The following SSBP2 variants were observed in gnomAD, a reference collection of about 807,000 sequenced individuals.
SSBP2 encodes the protein single-stranded DNA-binding protein 2.
A neutral mutation model predicts 61.8 loss-of-function variants in SSBP2; 17 were observed. The observed-to-expected ratio is 0.28, with a 90% CI of 0.19 to 0.41. The LOEUF is 0.41. SSBP2 is among the 10% of genes least tolerant of loss of function. The pLI, the probability that SSBP2 is intolerant of heterozygous loss-of-function variation, is 1.00. For synonymous variants in SSBP2, 139 were observed against 141.3 expected (o/e 0.98, Z 0.12); for missense variants, 310 against 458.7 (o/e 0.68, Z 2.96).
chr5:81,460,307 G>A (rs1009510706), intron 10 of SSBP2, among the ~76,000 whole-genome samples: 1 of 152,182 alleles, frequency 6.6e-6, no homozygotes, highest in Admixed American at 6.5e-5. Flanking sequence ...GAACCTTTGT[G>A]CAGTGCACAC....
Position 81,615,332 on chromosome 5 carries a change from A to T in SSBP2, c.282+141T>A. 3 of 689,136 alleles carry T rather than the reference A, an allele frequency of 4.4e-6. No homozygotes were observed. In the South Asian group the frequency reaches 5.0e-5, roughly 11 times the overall value. The allele number at this position is 689,136 out of a possible 1,614,324, so 42.7% of individuals were successfully genotyped here. A position where few individuals can be genotyped will look rare whatever the true frequency, so the allele number is the denominator to read the frequency against. ...TTTCTATTTCACATTTAAAGTTATG[A>T]ACCTACTTTTCAAGAAAAAAGAGAC... On this transcript the variant is annotated intron_variant, in intron 4 of 16. Transcript: ENST00000320672.
chr5:81,680,836 A>T (rs1395797710), intron 1 of SSBP2, among the ~76,000 whole-genome samples: 1 of 152,110 alleles, frequency 6.6e-6, no homozygotes, highest in African/African-American at 2.4e-5. Flanking sequence ...AGACTTTAAC[A>T]CTCTTCTATG....
At chr5:81,707,132 G>A (rs552212920) in intron 1 of SSBP2, among the ~76,000 whole-genome samples, 2 of 152,274 alleles carry the variant, frequency 1.3e-5, no homozygotes, top group East Asian at 3.9e-4. Context: ...AGAGGTAACA[G>A]AGCAGTGAGG....
chr5:81,714,258 T>C (rs1455560970), intron 1 of SSBP2, among the ~76,000 whole-genome samples: 1 of 152,220 alleles, frequency 6.6e-6, no homozygotes, highest in Non-Finnish European at 1.5e-5. Context: ...TATGGTTGTA[T>C]AGTATTCCAT....
At chr5:81,499,625 G>A (rs947205135) in intron 5 of SSBP2, among the ~76,000 whole-genome samples, 1 of 152,144 alleles carries the variant, frequency 6.6e-6, no homozygotes. Flanking sequence ...TCCTACTACT[G>A]ATTAAAATGA....
intron 1 of SSBP2, among the ~76,000 whole-genome samples, chr5:81,718,707 A>C (rs1013821955): frequency 6.6e-6 from 1 of 152,222 alleles, no homozygotes; most frequent in African/African-American, 2.4e-5. Context: ...AGTTATTCCC[A>C]GGAGTGCCAC....
chr5:81,444,812 A>C (rs1273117882), intron 12 of SSBP2, among the ~76,000 whole-genome samples: 3 of 151,944 alleles, frequency 2.0e-5, no homozygotes, highest in Admixed American at 6.6e-5. Flanking sequence ...CTACAGAAAA[A>C]ATTTGAGAGA....
At chr5:81,637,414 C>G (rs1426388376) in intron 2 of SSBP2, among the ~76,000 whole-genome samples, 1 of 152,166 alleles carries the variant, frequency 6.6e-6, no homozygotes, top group African/African-American at 2.4e-5. Context: ...TTAGCTATTT[C>G]CACATATTAC....
At chr5:81,539,549 A>G (rs1255768539) in intron 4 of SSBP2, among the ~76,000 whole-genome samples, 9 of 152,192 alleles carry the variant, frequency 5.9e-5, no homozygotes, top group Non-Finnish European at 1.2e-4. Context: ...CTATTGAGAA[A>G]TCATTTGTGA....
chr5:81,613,282 A>G lies in SSBP2; in HGVS notation c.282+2191T>C, dbSNP rs1745636313. On this transcript the variant is annotated intron_variant, in intron 4 of 16. Transcript: ENST00000320672. The stretch of plus-strand genomic sequence containing the variant: ...CAAATACTGATTTTTTTTCTAAACT[A>G]TATTTTCCAAGGACCAAATTACACA... 2.6e-5 allele frequency among the ~76,000 whole-genome samples: 4 copies of G among 152,228 alleles called. 1 individual carries two copies. Among genetic ancestry groups the G allele is most frequent in the East Asian group, 3.9e-4 (2 of 5,186 alleles).
intron 1 of SSBP2, among the ~76,000 whole-genome samples, chr5:81,706,425 G>C (rs1447411631): frequency 6.6e-6 from 1 of 152,072 alleles, no homozygotes; most frequent in Non-Finnish European, 1.5e-5. Context: ...CCAAACCTCA[G>C]CATCACATAA....
At chr5:81,582,863 G>T (rs1030538488) in intron 4 of SSBP2, among the ~76,000 whole-genome samples, 23 of 152,228 alleles carry the variant, frequency 1.5e-4, no homozygotes, top group Non-Finnish European at 5.9e-5. Flanking sequence ...CAAAGTGCTG[G>T]ATTACAGGTG....
At chr5:81,612,750 T>TAA (rs1368031002) in intron 4 of SSBP2, among the ~76,000 whole-genome samples, 1 of 152,046 alleles carries the variant, frequency 6.6e-6, no homozygotes, top group African/African-American at 2.4e-5. Context: ...CTTGAGTACT[T>TAA]TATTTTAAAT....
At chr5:81,531,733 C>A (rs796074703) in intron 4 of SSBP2, among the ~76,000 whole-genome samples, 4 of 151,958 alleles carry the variant, frequency 2.6e-5, no homozygotes, top group Non-Finnish European at 5.9e-5. Flanking sequence ...ATGAACAAGA[C>A]AGTAAAGTGG....
intron 1 of SSBP2, among the ~76,000 whole-genome samples, chr5:81,692,481 A>AT (rs891914495): frequency 4.6e-5 from 7 of 152,258 alleles, no homozygotes; most frequent in South Asian, 2.1e-4. Flanking sequence ...TACCAATGAC[A>AT]TTTTTTCACA....
At chr5:81,426,177 T>C (rs1163247742) in intron 16 of SSBP2, among the ~76,000 whole-genome samples, 1 of 152,252 alleles carries the variant, frequency 6.6e-6, no homozygotes, top group African/African-American at 2.4e-5. Flanking sequence ...CAAATCTCTT[T>C]TGTCTTTCTT....
chr5:81,495,852 A>T (rs1379913771), intron 5 of SSBP2, among the ~76,000 whole-genome samples: 1 of 152,114 alleles, frequency 6.6e-6, no homozygotes, highest in Non-Finnish European at 1.5e-5. Flanking sequence ...TTTTCAGTAT[A>T]AATTAATAAT....
chr5:81,491,011 T>C (rs1333260772), intron 5 of SSBP2, among the ~76,000 whole-genome samples: 3 of 152,336 alleles, frequency 2.0e-5, no homozygotes, highest in African/African-American at 7.2e-5. Flanking sequence ...TTGGATAAGT[T>C]AGTTATGTAC....
intron 5 of SSBP2, among the ~76,000 whole-genome samples, chr5:81,503,641 A>G (rs893673536): frequency 1.3e-5 from 2 of 152,222 alleles, no homozygotes; most frequent in African/African-American, 4.8e-5. Context: ...TACATACCCA[A>G]AGGAATATAA....
Sources: allele counts gnomAD v4.1 joint callset (sites outside exome capture counted in the v4.1 genomes callset), GRCh38; gene constraint gnomAD v4.1.1; transcripts MANE v1.5; gene names NCBI Gene and HGNC (gene_info 2026-07-23, HGNC 2026-07-21).